PRKAB2: variants seen among roughly 807,000 people sequenced by gnomAD.
The protein encoded by PRKAB2 is protein kinase AMP-activated non-catalytic subunit beta 2.
A neutral mutation model predicts 29.8 loss-of-function variants in PRKAB2; 18 were observed. The observed-to-expected ratio is 0.60, with a 90% confidence interval of 0.42 to 0.89. The LOEUF (loss-of-function observed/expected upper bound fraction) is 0.89, where lower values mean the gene tolerates loss of function less well. Ranked by LOEUF, PRKAB2 falls within the 40% of genes least tolerant of loss-of-function variation. The pLI, the probability that PRKAB2 is intolerant of heterozygous loss-of-function variation, is 0.00. For missense variants in PRKAB2, 270 were observed against 344.3 expected (o/e 0.78, Z 1.71); for synonymous variants, 136 against 125.9 (o/e 1.08, Z -0.54).
At chr1:147,165,170 C>T (rs587660814) in intron 5 of PRKAB2, among the ~76,000 whole-genome samples, 10 of 152,264 alleles carry the variant, frequency 6.6e-5, no homozygotes, top group East Asian at 1.9e-4. Context: ...GGACTACAGG[C>T]GCCTGCCACC....
intron 2 of PRKAB2, among the ~76,000 whole-genome samples, chr1:147,168,410 T>C (rs1454434113): frequency 6.6e-6 from 1 of 152,198 alleles, no homozygotes; most frequent in Non-Finnish European, 1.5e-5. Context: ...AAGTCAGAGA[T>C]ATCAAAATTC....
At chr1:147,163,894 C>T (rs1468886654) in intron 5 of PRKAB2, among the ~76,000 whole-genome samples, 2 of 151,824 alleles carry the variant, frequency 1.3e-5, no homozygotes, top group African/African-American at 4.8e-5. Flanking sequence ...ATACAATATA[C>T]AAAAATGAAG....
intron 5 of PRKAB2, among the ~76,000 whole-genome samples, chr1:147,166,268 T>C (rs1032739813): frequency 1.3e-5 from 2 of 152,178 alleles, no homozygotes; most frequent in Non-Finnish European, 2.9e-5. Context: ...GTGTATCCCA[T>C]GTAATAAGGT....
intron 3 of PRKAB2, 87 bp downstream of exon 3, chr1:147,167,680 G>C (rs1553913841): frequency 6.8e-7 from 1 of 1,462,422 alleles, no homozygotes; most frequent in African/African-American, 1.4e-5. Context: ...TTAGTAGGTG[G>C]AGAAAAGTCC....
At chr1:147,165,996 G>T (rs1386599901) in intron 5 of PRKAB2, among the ~76,000 whole-genome samples, 1 of 152,130 alleles carries the variant, frequency 6.6e-6, no homozygotes, top group Admixed American at 6.5e-5. Flanking sequence ...GATGGGTCTT[G>T]CCATATTGCC....
At position 147,157,030 on chromosome 1, in the gene PRKAB2, T is replaced by C. The variant is rs1653707532; in HGVS notation, c.*2535A>G. On this transcript the variant is annotated 3_prime_UTR_variant, in exon 8 of 8. Transcript: ENST00000254101. ...TGAAGAACTATTTTCTTATTCTGCC[T>C]ACTTTGACTCTGTAAAATTCCCAAA... 6.6e-6 allele frequency: 1 copy of C among 152,160 alleles called. No individual in the cohort carries two copies. Among genetic ancestry groups the C allele is most frequent in the African/African-American group, 2.4e-5 (1 of 41,442 alleles). 9.4% of individuals were successfully genotyped at this position (152,160 alleles called of 1,614,324 possible).
At chr1:147,166,965 C>G in intron 3 of PRKAB2, 26 bp from the exon 4 acceptor site, 3 of 1,573,752 alleles carry the variant, frequency 1.9e-6, no homozygotes, top group Non-Finnish European at 2.6e-6. Flanking sequence ...GAAAGGCAAA[C>G]AGGCCAAGTT....
rs587639914 is a variant in PRKAB2 at position 147,169,543 on chromosome 1, C to T, written c.157-1610G>A. Among the ~76,000 whole-genome samples, 30 of 152,202 alleles carry T rather than the reference C, an allele frequency of 2.0e-4. No homozygotes were observed. In the East Asian group the frequency reaches 5.8e-3, roughly 29 times the overall value. On this transcript the variant is annotated intron_variant, in intron 2 of 7. Coordinates refer to ENST00000254101, the MANE Select transcript of PRKAB2 (RefSeq NM_005399.5). ...TTATGTTAAAATAAAGGAAAAAAAGCTTCCCAGATATACCGTGATTATGTT... is the reference window on the plus strand; with the variant it reads ...TTATGTTAAAATAAAGGAAAAAAAGTTTCCCAGATATACCGTGATTATGTT...
At position 147,162,496 on chromosome 1, in the gene PRKAB2, G is replaced by A; in HGVS notation, c.616C>T (p.Pro206Ser). The change falls in exon 6 of 8, where the codon CCC becomes TCC. Residue 206 changes from proline to serine, a missense_variant. Coordinates refer to ENST00000254101, the MANE Select transcript of PRKAB2 (RefSeq NM_005399.5). ...FRSEERFKSPPILPPHLLQVI... is the reference protein window; with the variant it reads ...FRSEERFKSPSILPPHLLQVI... ...TGAAGTAGATGAGGAGGAAGGATGGGTGGGGATTTGAATCTTTCCTCAGAT... is the reference window on the plus strand; with the variant it reads ...TGAAGTAGATGAGGAGGAAGGATGGATGGGGATTTGAATCTTTCCTCAGAT... 1 of 1,611,318 alleles carries A rather than the reference G, an allele frequency of 6.2e-7. No homozygotes were observed. Among genetic ancestry groups the A allele is most frequent in the Non-Finnish European group, 8.5e-7 (1 of 1,177,608 alleles).
chr1:147,171,927 A>G, intron 2 of PRKAB2, 62 bp downstream of exon 2: 1 of 1,554,138 alleles, frequency 6.4e-7, no homozygotes, highest in South Asian at 1.2e-5. Flanking sequence ...AAGAAAGGGA[A>G]GAGGAGCCCA....
Position 147,171,978 on chromosome 1 carries a change from G to C in PRKAB2, c.156+11C>G. 1.3e-6 allele frequency: 2 copies of C among 1,597,920 alleles called. No individual in the cohort carries two copies. Among genetic ancestry groups the C allele is most frequent in the Non-Finnish European group, 1.7e-6 (2 of 1,173,014 alleles). On this transcript the variant is annotated intron_variant, in intron 2 of 7. Transcript: ENST00000254101. The stretch of plus-strand genomic sequence containing the variant: ...CAGTACTGACACCAACTGCGGGCAT[G>C]GGACGCTTACCTTGGAGTCAGGGAG...
chr1:147,165,823 T>C (rs1205727683), intron 5 of PRKAB2, among the ~76,000 whole-genome samples: 1 of 151,958 alleles, frequency 6.6e-6, no homozygotes, highest in Non-Finnish European at 1.5e-5. Context: ...TTTGAGGCAG[T>C]ATCTCACTCT....
chr1:147,162,819 G>A (rs1654037794), intron 5 of PRKAB2, among the ~76,000 whole-genome samples: 2 of 152,098 alleles, frequency 1.3e-5, no homozygotes, highest in African/African-American at 4.8e-5. Flanking sequence ...AAGACTCAAA[G>A]ACCCAGGCTC....
At chr1:147,160,024 A>C (rs1395685588) in intron 7 of PRKAB2, among the ~76,000 whole-genome samples, 3 of 152,168 alleles carry the variant, frequency 2.0e-5, no homozygotes, top group Non-Finnish European at 4.4e-5. Flanking sequence ...CAAGAAAAAC[A>C]AAAAAGAACA....
intron 5 of PRKAB2, among the ~76,000 whole-genome samples, chr1:147,164,413 T>C (rs1403129294): frequency 6.6e-6 from 1 of 152,228 alleles, no homozygotes; most frequent in African/African-American, 2.4e-5. Context: ...ATATAAAATG[T>C]ATTGAAACAT....
chr1:147,167,720 C>A, intron 3 of PRKAB2, 47 bp downstream of exon 3: 1 of 1,569,224 alleles, frequency 6.4e-7, no homozygotes, highest in Non-Finnish European at 8.6e-7. Context: ...GAAAAGAAAT[C>A]AGGTCTCTAT....
In PRKAB2 at chr1:147,172,112, C is replaced by T; in HGVS notation, c.33G>A (p.Gly11=). 1 of 1,554,512 alleles carries T rather than the reference C, an allele frequency of 6.4e-7. No homozygotes were observed. Residue 11 remains glycine, a synonymous_variant, in exon 2 of 8, where the codon GGG becomes GGA. Coordinates refer to ENST00000254101, the MANE Select transcript of PRKAB2 (RefSeq NM_005399.5). Reference sequence around the variant, plus strand: ...GTGCAGCCTTGGCGCCGTGGCGCTCCCCGGACACCCGGTCGCTGGTGGTGT... The same window carrying T: ...GTGCAGCCTTGGCGCCGTGGCGCTCTCCGGACACCCGGTCGCTGGTGGTGT... The part of the protein sequence containing the change: MGNTTSDRVS[G]ERHGAKAARS...
chr1:147,163,343 G>T (rs1374355842), intron 5 of PRKAB2, among the ~76,000 whole-genome samples: 3 of 152,282 alleles, frequency 2.0e-5, no homozygotes, highest in African/African-American at 7.2e-5. Flanking sequence ...TATACACTGG[G>T]TATATACCCA....
intron 7 of PRKAB2, among the ~76,000 whole-genome samples, chr1:147,160,142 C>A (rs1329492844): frequency 6.6e-6 from 1 of 152,132 alleles, no homozygotes; most frequent in East Asian, 1.9e-4. Context: ...GTCTAATTTT[C>A]ATTTAAAACC....
Sources: allele counts gnomAD v4.1 joint callset (sites outside exome capture counted in the v4.1 genomes callset), GRCh38; gene constraint gnomAD v4.1.1; transcripts MANE v1.5; gene names NCBI Gene and HGNC (gene_info 2026-07-23, HGNC 2026-07-21).